RAMP1: variants seen among roughly 807,000 people sequenced by gnomAD.
RAMP1 encodes receptor activity-modifying protein 1.
A neutral mutation model predicts 8.2 loss-of-function variants in RAMP1; 7 were observed. The observed-to-expected ratio is 0.85, with a 90% CI of 0.49 to 1.60. RAMP1 has a LOEUF of 1.60. RAMP1 is among the 40% of genes most tolerant of loss of function. The pLI is 0.00. For synonymous variants in RAMP1, 92 were observed against 84.7 expected, an observed-to-expected ratio of 1.09 and a Z score of -0.47; for missense variants, 192 against 202.4, an observed-to-expected ratio of 0.95 and a Z score of 0.31.
At chr2:237,904,636 T>C (rs920792047) in intron 2 of RAMP1, among the ~76,000 whole-genome samples, 1 of 152,172 alleles carries the variant, frequency 6.6e-6, no homozygotes, top group Non-Finnish European at 1.5e-5. Flanking sequence ...AAAAAGCGAA[T>C]ATAAAGCCAA....
chr2:237,909,046 A>T (rs74002613), intron 2 of RAMP1, among the ~76,000 whole-genome samples: 3 of 152,050 alleles, frequency 2.0e-5, no homozygotes, highest in African/African-American at 7.3e-5. Flanking sequence ...GGGACTCAGC[A>T]CCTGCCCTAG....
intron 1 of RAMP1, among the ~76,000 whole-genome samples, chr2:237,863,102 A>G (rs1240393671): frequency 1.3e-5 from 2 of 152,032 alleles, no homozygotes; most frequent in African/African-American, 4.8e-5. Context: ...GACTGTGGGA[A>G]TCCTGCCCAA....
chr2:237,880,659 C>CCCAGCAGG (rs2062359021), intron 2 of RAMP1, among the ~76,000 whole-genome samples: 1 of 152,202 alleles, frequency 6.6e-6, no homozygotes, highest in African/African-American at 2.4e-5. Context: ...AATCCCAGGG[C>CCCAGCAGG]CCAGCAGGCC....
intron 2 of RAMP1, among the ~76,000 whole-genome samples, chr2:237,910,220 G>A (rs1237187413): frequency 1.4e-5 from 2 of 146,724 alleles, no homozygotes; most frequent in African/African-American, 5.1e-5. Flanking sequence ...CCACACACAG[G>A]GACACACACA....
At chr2:237,868,577 C>CAA (rs1252542718) in intron 1 of RAMP1, among the ~76,000 whole-genome samples, 6 of 89,432 alleles carry the variant, frequency 6.7e-5, no homozygotes, top group Admixed American at 1.1e-4. Context: ...CTCCCCCCAC[C>CAA]AAAAAAAAAA....
Position 237,862,840 on chromosome 2 carries a change from G to A in RAMP1, c.52+3113G>A, listed in dbSNP as rs113462126. On this transcript the variant is annotated intron_variant, in intron 1 of 2. Coordinates refer to ENST00000254661, the MANE Select transcript of RAMP1 (RefSeq NM_005855.4). This position sits in a 1 kb window ranked among gnomAD's most constrained non-coding sequence, Gnocchi z 4.0. Reference sequence around the variant, plus strand: ...ACTGGCCGCAGGCTGGACAGTCAGTGTTCTGCTGGAACCACGGGGAAAAGC... The same window carrying A: ...ACTGGCCGCAGGCTGGACAGTCAGTATTCTGCTGGAACCACGGGGAAAAGC... Among the ~76,000 whole-genome samples, 242 of 152,316 alleles carry A rather than the reference G, an allele frequency of 1.6e-3. 1 individual carries two copies. The highest frequency in any genetic ancestry group is 5.5e-3 in the African/African-American group (229 of 41,578).
At chr2:237,874,779 G>C in intron 1 of RAMP1, 1 of 871,548 alleles carries the variant, frequency 1.1e-6, no homozygotes, top group Non-Finnish European at 1.4e-6. Context: ...GCGTGAGTCA[G>C]AAAGGAGTAG....
In RAMP1 at chr2:237,911,953, C is replaced by G; in HGVS notation, c.*170C>G. On this transcript the variant is annotated 3_prime_UTR_variant, in exon 3 of 3. Transcript: ENST00000254661. The stretch of plus-strand genomic sequence containing the variant: ...GAGTAGCCGAGGCTCTGGTATTAAC[C>G]TGGAAGCCCCCCTGGCTGGAGGCCA... 8.5e-7 allele frequency: 1 copy of G among 1,174,994 alleles called. No individual in the cohort carries two copies. 72.8% of individuals were successfully genotyped at this position (1,174,994 alleles called of 1,614,324 possible). A position where few individuals can be genotyped will look rare whatever the true frequency, so the allele number is the denominator to read the frequency against.
Position 237,877,438 on chromosome 2 carries a change from G to A in RAMP1, c.191+76G>A, listed in dbSNP as rs767305303. 33 of 1,531,052 alleles carry A rather than the reference G, an allele frequency of 2.2e-5. No homozygotes were observed. The highest frequency in any genetic ancestry group is 5.1e-5 in the South Asian group (4 of 78,776). 94.8% of individuals were successfully genotyped at this position (1,531,052 alleles called of 1,614,324 possible). ...GGCAAGCGGAGGAGGAGTGGACCAC[G>A]TGGGAGCTGTGGAAGATCCTTTCTA... is the stretch of plus-strand genomic sequence containing the variant. On this transcript the variant is annotated intron_variant, in intron 2 of 2. Transcript: ENST00000254661. The surrounding 1 kb of genome is among the most constrained non-coding windows in gnomAD (Gnocchi z 4.4).
chr2:237,874,187 G>A (rs1290112876), intron 1 of RAMP1, among the ~76,000 whole-genome samples: 4 of 152,246 alleles, frequency 2.6e-5, no homozygotes, highest in African/African-American at 9.6e-5. Context: ...TGGGCTGCAG[G>A]AGAGGAAGGC....
chr2:237,860,513 C>G (rs1403897520), intron 1 of RAMP1, among the ~76,000 whole-genome samples: 1 of 152,214 alleles, frequency 6.6e-6, no homozygotes, highest in Non-Finnish European at 1.5e-5. Context: ...GTGCTGTTCA[C>G]TTCCCTTGTC....
chr2:237,897,696 C>A (rs777639526), intron 2 of RAMP1, among the ~76,000 whole-genome samples: 5 of 151,732 alleles, frequency 3.3e-5, no homozygotes, highest in Non-Finnish European at 7.4e-5. Context: ...GTTTACAGAT[C>A]CACGTGTCTT....
chr2:237,906,909 G>C (rs930096106), intron 2 of RAMP1, among the ~76,000 whole-genome samples: 9 of 151,954 alleles, frequency 5.9e-5, no homozygotes, highest in Non-Finnish European at 1.3e-4. Context: ...TTTTAGTAGA[G>C]ATGAGGTTTC....
chr2:237,869,067 G>A (rs914895343), intron 1 of RAMP1, among the ~76,000 whole-genome samples: 6 of 152,040 alleles, frequency 3.9e-5, no homozygotes, highest in African/African-American at 9.7e-5. Flanking sequence ...TAGGGCCTCC[G>A]TATCCCTATT....
intron 2 of RAMP1, 94 bp from the exon 3 acceptor site, chr2:237,911,434 T>C: frequency 6.6e-7 from 1 of 1,514,968 alleles, no homozygotes; most frequent in South Asian, 1.3e-5. Flanking sequence ...GCTTCAGGGC[T>C]GCATGAGGGG....
chr2:237,864,303 TGCCCAACCATGCGC>T (rs145503694), intron 1 of RAMP1, among the ~76,000 whole-genome samples: 7,960 of 152,270 alleles, frequency 0.052, 676 homozygotes, highest in African/African-American at 0.18. Context: ...GTCAGTGATT[TGCCCAACCATGCGC>T]GTGTTTGCTT....
chr2:237,899,473 C>T (rs1363000600), intron 2 of RAMP1, among the ~76,000 whole-genome samples: 2 of 152,198 alleles, frequency 1.3e-5, no homozygotes, highest in African/African-American at 4.8e-5. Context: ...TCTCAAATGC[C>T]TTCTCAATGC....
At chr2:237,904,095 T>C (rs1156656113) in intron 2 of RAMP1, among the ~76,000 whole-genome samples, 1 of 152,326 alleles carries the variant, frequency 6.6e-6, no homozygotes, top group East Asian at 1.9e-4. Context: ...TCATTTCACA[T>C]GCTTAGTAGT....
At position 237,865,742 on chromosome 2, in the gene RAMP1, G is replaced by C. The variant is rs2062181477; in HGVS notation, c.52+6015G>C. Among the ~76,000 whole-genome samples, 1 of 152,170 alleles carries C rather than the reference G, an allele frequency of 6.6e-6. No homozygotes were observed. The highest frequency in any genetic ancestry group is 1.5e-5 in the Non-Finnish European group (1 of 68,028). On this transcript the variant is annotated intron_variant, in intron 1 of 2. Transcript: ENST00000254661. This position sits in a 1 kb window ranked among gnomAD's most constrained non-coding sequence, Gnocchi z 4.2. ...GCTTGGAGGGGTGACCGGTGAGAGT[G>C]GGTAGAAACAGGCCCAGGCTCCTTG...
Sources: gnomAD v4.1 joint callset for allele counts (sites outside exome capture counted in the v4.1 genomes callset) on GRCh38, gnomAD v4.1.1 for gene constraint, Gnocchi (gnomAD v3.1) non-coding constraint, MANE v1.5 for transcripts, NCBI Gene and HGNC (gene_info 2026-07-23, HGNC 2026-07-21) for gene names.